ZNF236: variants seen among roughly 807,000 people sequenced by gnomAD.
ZNF236 encodes regulated by glucose.
Under a neutral mutation model 191.2 loss-of-function variants are expected in ZNF236, and 50 were observed. That is an observed-to-expected ratio of 0.26 (90% CI 0.21 to 0.33). The LOEUF is 0.33. ZNF236 is among the 10% of genes least tolerant of loss of function. The pLI is 1.00. For synonymous variants in ZNF236, 907 were observed against 928.8 expected (o/e 0.98, Z 0.43); for missense variants, 1,754 against 2,374.5 (o/e 0.74, Z 5.43).
Position 76,891,262 on chromosome 18 carries a change from A to G in ZNF236, c.1418-3751A>G, listed in dbSNP as rs555161599. ...TTTTTAACTGGGGAAATATTTATTTATATGTATAGCTAAGTTTGTCAATGT... is the reference window on the plus strand; with the variant it reads ...TTTTTAACTGGGGAAATATTTATTTGTATGTATAGCTAAGTTTGTCAATGT... On this transcript the variant is annotated intron_variant, in intron 9 of 30. Coordinates refer to ENST00000320610, the MANE Select transcript of ZNF236 (RefSeq NM_001306089.2). Among the ~76,000 whole-genome samples the G allele has an allele frequency of 7.9e-5, 12 of 152,292 alleles. No individual in the cohort carries two copies. The South Asian group carries it at 8.3e-4, about 11-fold the overall frequency.
At chr18:76,837,536 G>A (rs1451460603) in intron 1 of ZNF236, among the ~76,000 whole-genome samples, 2 of 150,328 alleles carry the variant, frequency 1.3e-5, no homozygotes, top group African/African-American at 4.9e-5. Context: ...TGCCTGCCAG[G>A]TTCAAGCAAT....
At chr18:76,848,651 C>G (rs893092584) in intron 1 of ZNF236, among the ~76,000 whole-genome samples, 1 of 152,110 alleles carries the variant, frequency 6.6e-6, no homozygotes. Flanking sequence ...TAAGCCATGT[C>G]TATATATGAG....
chr18:76,848,231 A>G (rs1430766152), intron 1 of ZNF236, among the ~76,000 whole-genome samples: 1 of 152,214 alleles, frequency 6.6e-6, no homozygotes, highest in Non-Finnish European at 1.5e-5. Context: ...TGTGTTTATC[A>G]CACAAACTCT....
chr18:76,960,593 G>C lies in ZNF236; in HGVS notation c.5243-86G>C. The C allele has an allele frequency of 6.7e-7, 1 of 1,492,384 alleles. No homozygotes were observed. The highest frequency in any genetic ancestry group is 9.3e-7 in the Non-Finnish European group (1 of 1,078,666). The allele number at this position is 1,492,384 out of a possible 1,614,324, so 92.4% of individuals were successfully genotyped here. A position where few individuals can be genotyped will look rare whatever the true frequency, so the allele number is the denominator to read the frequency against. On this transcript the variant is annotated intron_variant, in intron 29 of 30. Transcript: ENST00000320610. This position sits in a 1 kb window ranked among gnomAD's most constrained non-coding sequence, Gnocchi z 4.4. ...GCCTAAAAGAAAAGAGGAACATTCA[G>C]TCCCTCTTGTTCATACCTCAGGGTA...
At chr18:76,881,584 CT>C (rs1180449908) in intron 9 of ZNF236, 72 bp downstream of exon 9, 22 of 1,304,618 alleles carry the variant, frequency 1.7e-5, no homozygotes, top group African/African-American at 1.0e-4. Flanking sequence ...ATGTGCCCTT[CT>C]TTTTTCCTCT....
At chr18:76,963,869 C>T (rs924397473) in intron 30 of ZNF236, among the ~76,000 whole-genome samples, 1 of 152,102 alleles carries the variant, frequency 6.6e-6, no homozygotes, top group Non-Finnish European at 1.5e-5. Context: ...TAAAGGTGTT[C>T]ATAGTAGCCT....
chr18:76,880,331 C>A lies in ZNF236; in HGVS notation c.1188+15C>A. 6.2e-7 allele frequency: 1 copy of A among 1,601,104 alleles called. No homozygotes were observed. The highest frequency in any genetic ancestry group is 8.5e-7 in the Non-Finnish European group (1 of 1,171,066). On this transcript the variant is annotated intron_variant, in intron 8 of 30. Transcript: ENST00000320610. The surrounding 1 kb of genome is among the most constrained non-coding windows in gnomAD (Gnocchi z 5.0). ...ACATTTTACAGGTGAAGCACGCTTC[C>A]CTGCGGTGTGAGGCTTACGTGCTCG...
chr18:76,947,369 T>C, intron 26 of ZNF236, 152 bp from the exon 27 acceptor site: 1 of 908,768 alleles, frequency 1.1e-6, no homozygotes, highest in Non-Finnish European at 1.6e-6. Context: ...TTCACTTCTC[T>C]TGGGTTGCTG....
chr18:76,885,020 T>TC, intron 9 of ZNF236: 1 of 152,234 alleles, frequency 6.6e-6, no homozygotes, highest in South Asian at 2.1e-4. Context: ...ATTGCTTTTT[T>TC]CCCCCCTAAA....
intron 1 of ZNF236, among the ~76,000 whole-genome samples, chr18:76,840,251 T>G (rs1975442347): frequency 6.6e-6 from 1 of 152,148 alleles, no homozygotes; most frequent in Non-Finnish European, 1.5e-5. Flanking sequence ...TCCCAGCACT[T>G]TGGGAGGCCG....
In ZNF236 at chr18:76,928,124, T is replaced by C. The variant is rs752478987; in HGVS notation, c.4594+18T>C. On this transcript the variant is annotated intron_variant, in intron 25 of 30. Transcript: ENST00000320610. The stretch of plus-strand genomic sequence containing the variant: ...TATCTCCGGTTAGTAAGTTATAATT[T>C]TAAACATCTTTTCACCCTGCAATTT... The C allele has an allele frequency of 6.3e-7, 1 of 1,595,148 alleles. No homozygotes were observed. Among genetic ancestry groups the C allele is most frequent in the Non-Finnish European group, 8.6e-7 (1 of 1,169,054 alleles).
chr18:76,921,606 ACAG>A (rs923442600), intron 20 of ZNF236, among the ~76,000 whole-genome samples: 5 of 152,144 alleles, frequency 3.3e-5, no homozygotes, highest in Non-Finnish European at 5.9e-5. Flanking sequence ...AGGTGTTGAG[ACAG>A]CAGTTTGTGA....
At chr18:76,827,550 C>G (rs547147121) in intron 1 of ZNF236, among the ~76,000 whole-genome samples, 2 of 152,306 alleles carry the variant, frequency 1.3e-5, no homozygotes, top group East Asian at 3.9e-4. Flanking sequence ...GAATACAAAG[C>G]TGAACAAGAG....
intron 26 of ZNF236, among the ~76,000 whole-genome samples, chr18:76,940,086 G>A (rs1262720251): frequency 7.0e-6 from 1 of 142,654 alleles, no homozygotes; most frequent in Non-Finnish European, 1.5e-5. Context: ...TGGGAACACG[G>A]TGGGCGACCC....
At chr18:76,853,104 G>A (rs1975929785) in intron 3 of ZNF236, among the ~76,000 whole-genome samples, 1 of 151,492 alleles carries the variant, frequency 6.6e-6, no homozygotes. Flanking sequence ...TTGAGATGGA[G>A]TTTCGCTTTT....
At chr18:76,948,779 C>T (rs532584831) in intron 27 of ZNF236, among the ~76,000 whole-genome samples, 3 of 152,140 alleles carry the variant, frequency 2.0e-5, no homozygotes, top group Non-Finnish European at 2.9e-5. Context: ...GGAATGCCCG[C>T]GTGGTTGGGC....
At chr18:76,849,794 A>G (rs1018667704) in intron 2 of ZNF236, 126 bp downstream of exon 2, 3 of 927,502 alleles carry the variant, frequency 3.2e-6, no homozygotes, top group South Asian at 3.5e-5. Flanking sequence ...ATATTCTACA[A>G]ATAAATATTT....
At chr18:76,837,437 C>CTTTTT (rs71760598) in intron 1 of ZNF236, among the ~76,000 whole-genome samples, 43 of 105,868 alleles carry the variant, frequency 4.1e-4, no homozygotes, top group Middle Eastern at 6.6e-3. Flanking sequence ...TTTTCTTTTT[C>CTTTTT]TTTTTTTTTT....
intron 11 of ZNF236, among the ~76,000 whole-genome samples, chr18:76,901,022 C>T (rs1279115511): frequency 6.6e-6 from 1 of 152,180 alleles, no homozygotes; most frequent in East Asian, 1.9e-4. Flanking sequence ...TAACACTCTT[C>T]GGATCTGACA....
Sources: gnomAD v4.1 joint callset for allele counts (sites outside exome capture counted in the v4.1 genomes callset) on GRCh38, gnomAD v4.1.1 for gene constraint, Gnocchi (gnomAD v3.1) non-coding constraint, MANE v1.5 for transcripts, NCBI Gene and HGNC (gene_info 2026-07-23, HGNC 2026-07-21) for gene names.